LYPD6B: variants seen among roughly 807,000 people sequenced by gnomAD.
LYPD6B encodes LY6/PLAUR domain containing 6B, also known as ly6/PLAUR domain-containing protein 6B.
In LYPD6B, 17 loss-of-function variants were observed where a neutral mutation model predicts 22.8. That is an observed-to-expected ratio of 0.75 (90% CI 0.51 to 1.12). LYPD6B has a LOEUF of 1.12. Ranked by LOEUF, LYPD6B falls within the 50% of genes most tolerant of loss-of-function variation. LYPD6B has a pLI of 0.00. For synonymous variants in LYPD6B, 106 were observed against 91.6 expected, an observed-to-expected ratio of 1.16 and a Z score of -0.90; for missense variants, 221 against 258.3, an observed-to-expected ratio of 0.86 and a Z score of 0.99.
intron 1 of LYPD6B, among the ~76,000 whole-genome samples, chr2:149,069,363 G>C (rs929218068): frequency 7.9e-5 from 12 of 152,128 alleles, no homozygotes; most frequent in African/African-American, 2.9e-4. Context: ...GACATAGACT[G>C]TGTATACCTA....
chr2:149,131,903 A>G (rs1034269113), intron 2 of LYPD6B, among the ~76,000 whole-genome samples: 2 of 152,170 alleles, frequency 1.3e-5, no homozygotes, highest in African/African-American at 4.8e-5. Context: ...AGCATCTTAG[A>G]AAAGTCCACA....
At chr2:149,193,725 G>A (rs1482692240) in intron 3 of LYPD6B, among the ~76,000 whole-genome samples, 1 of 152,062 alleles carries the variant, frequency 6.6e-6, no homozygotes, top group African/African-American at 2.4e-5. Context: ...GAAGCCTTTT[G>A]TCAAGTAGGA....
chr2:149,107,787 A>T (rs931148610), intron 1 of LYPD6B, among the ~76,000 whole-genome samples: 1 of 152,180 alleles, frequency 6.6e-6, no homozygotes, highest in Non-Finnish European at 1.5e-5. Flanking sequence ...GGCAGAAAAT[A>T]TATTCCATCT....
intron 1 of LYPD6B, among the ~76,000 whole-genome samples, chr2:149,094,253 G>T (rs1435368795): frequency 6.6e-6 from 1 of 152,180 alleles, no homozygotes; most frequent in Admixed American, 6.5e-5. Context: ...CTATCGGCAT[G>T]CAATTTTACT....
At chr2:149,153,940 T>C (rs1279984292) in intron 2 of LYPD6B, 2 of 208,792 alleles carry the variant, frequency 9.6e-6, no homozygotes, top group Non-Finnish European at 1.7e-5. Context: ...TTATGGAATT[T>C]ATTGGCATTG....
chr2:149,064,811 C>T (rs1375097889), intron 1 of LYPD6B, among the ~76,000 whole-genome samples: 1 of 152,194 alleles, frequency 6.6e-6, no homozygotes, highest in Non-Finnish European at 1.5e-5. Context: ...GTTAGTTCCT[C>T]TCAGGGGCTG....
intron 3 of LYPD6B, among the ~76,000 whole-genome samples, chr2:149,191,053 T>C (rs917301931): frequency 1.3e-5 from 2 of 152,128 alleles, no homozygotes; most frequent in African/African-American, 2.4e-5. Context: ...CTTATACAAA[T>C]AGAGAAAATA....
chr2:149,147,538 G>A (rs1488307640), intron 2 of LYPD6B, among the ~76,000 whole-genome samples: 1 of 152,036 alleles, frequency 6.6e-6, no homozygotes, highest in Admixed American at 6.6e-5. Flanking sequence ...TTTTGAGATA[G>A]GGCCTTGCTC....
At chr2:149,135,001 T>A (rs1688267787) in intron 2 of LYPD6B, among the ~76,000 whole-genome samples, 1 of 152,148 alleles carries the variant, frequency 6.6e-6, no homozygotes, top group Admixed American at 6.6e-5. Context: ...TCCCAGCACT[T>A]TGGGAGGCTG....
chr2:149,188,003 A>G (rs1382645567), intron 3 of LYPD6B, among the ~76,000 whole-genome samples: 1 of 152,216 alleles, frequency 6.6e-6, no homozygotes, highest in East Asian at 1.9e-4. Context: ...CTGGGAAAAC[A>G]TTAGTTATTC....
intron 3 of LYPD6B, among the ~76,000 whole-genome samples, chr2:149,162,759 T>G (rs114399110): frequency 6.6e-6 from 1 of 152,302 alleles, no homozygotes; most frequent in African/African-American, 2.4e-5. Flanking sequence ...TTTTTTCACA[T>G]AGTCTCTATG....
chr2:149,157,851 G>T (rs1189856904), intron 2 of LYPD6B, among the ~76,000 whole-genome samples: 1 of 152,128 alleles, frequency 6.6e-6, no homozygotes, highest in Non-Finnish European at 1.5e-5. Flanking sequence ...TTTACCTGCG[G>T]GGATAGAAAC....
In LYPD6B at chr2:149,140,667, G is replaced by C. The variant is rs1415255453; in HGVS notation, c.5+9714G>C. 2.6e-5 allele frequency among the ~76,000 whole-genome samples: 4 copies of C among 152,304 alleles called. No homozygotes were observed. The South Asian group carries it at 8.3e-4, about 32-fold the overall frequency. On this transcript the variant is annotated intron_variant, in intron 2 of 6. Transcript: ENST00000409642. ...CCAGTACTTTTGTAGCATTGGTGTT[G>C]TATTCCCCACACTGGCTGAAAGAAG...
chr2:149,100,285 T>A (rs1686131354), intron 1 of LYPD6B, among the ~76,000 whole-genome samples: 1 of 152,138 alleles, frequency 6.6e-6, no homozygotes, highest in African/African-American at 2.4e-5. Flanking sequence ...GCTCATGAAC[T>A]GATGCCGGTT....
rs1395631613 is a variant in LYPD6B, at chr2:149,200,382, C to T, written c.78-4871C>T. ...TCTTTATCATCTTTGGACACCCTGC[C>T]AATTCTTTACTGCCCACAACTTTTG... On this transcript the variant is annotated intron_variant, in intron 3 of 6. Transcript: ENST00000409642. Among the ~76,000 whole-genome samples, 8 of 152,196 alleles carry T rather than the reference C, an allele frequency of 5.3e-5. No homozygotes were observed. In the South Asian group the frequency reaches 6.2e-4, roughly 12 times the overall value.
chr2:149,206,894 T>C (rs935507264), intron 4 of LYPD6B, among the ~76,000 whole-genome samples: 6 of 152,138 alleles, frequency 3.9e-5, no homozygotes, highest in Admixed American at 2.0e-4. Flanking sequence ...GGCTGGTCTG[T>C]AGCTTATTTC....
chr2:149,175,124 A>T (rs1211536657), intron 3 of LYPD6B, among the ~76,000 whole-genome samples: 1 of 150,204 alleles, frequency 6.7e-6, no homozygotes, highest in Non-Finnish European at 1.5e-5. Flanking sequence ...ATATTCTGAT[A>T]AATGCATCAT....
chr2:149,040,530 A>G (rs774640959), intron 1 of LYPD6B, among the ~76,000 whole-genome samples: 1 of 152,070 alleles, frequency 6.6e-6, no homozygotes, highest in African/African-American at 2.4e-5. Flanking sequence ...CCGGCCCCTT[A>G]TAGCAATCTT....
intron 1 of LYPD6B, among the ~76,000 whole-genome samples, chr2:149,064,208 C>T (rs151233421): frequency 6.4e-4 from 97 of 152,186 alleles, no homozygotes; most frequent in African/African-American, 2.3e-3. Flanking sequence ...CTTATGTTTC[C>T]AATGCTGGAT....
Sources: gnomAD v4.1 joint callset for allele counts (sites outside exome capture counted in the v4.1 genomes callset) on GRCh38, gnomAD v4.1.1 for gene constraint, MANE v1.5 for transcripts, NCBI Gene and HGNC (gene_info 2026-07-23, HGNC 2026-07-21) for gene names.